The following CDX1 variants were observed in gnomAD, a reference collection of about 807,000 sequenced individuals.
CDX1 encodes homeobox protein CDX-1.
Under a neutral mutation model 16.9 loss-of-function variants are expected in CDX1, and 9 were observed. The ratio of observed to expected loss-of-function variants is 0.53; its 90% CI spans 0.32 to 0.93. The LOEUF is 0.93. Ranked by LOEUF, CDX1 falls within the 40% of genes least tolerant of loss-of-function variation. The pLI is 0.04. For missense variants in CDX1, 393 were observed against 386.1 expected (o/e 1.02, Z -0.15); for synonymous variants, 179 against 179.0 (o/e 1.00, Z 0.00).
rs777049283 is a variant in CDX1, at chr5:150,183,570, G to A, written c.688G>A (p.Asp230Asn). 9.3e-6 allele frequency: 15 copies of A among 1,611,748 alleles called. No individual in the cohort carries two copies. Among genetic ancestry groups the A allele is most frequent in the East Asian group, 4.5e-5 (2 of 44,848 alleles). The part of the protein sequence containing the change: ...QQPPQPPMAH[D>N]ITATPAGPSL... The stretch of plus-strand genomic sequence containing the variant: ...GCCCCCACAGCCGCCGATGGCCCAC[G>A]ACATCACGGCCACCCCAGCCGGGCC... Residue 230 changes from aspartate (D) to asparagine (N), a missense_variant, in exon 3 of 3, where the codon GAC becomes AAC. Coordinates refer to ENST00000231656, the MANE Select transcript of CDX1 (RefSeq NM_001804.3).
chr5:150,174,754 T>C (rs956247309), intron 1 of CDX1, among the ~76,000 whole-genome samples: 4 of 151,318 alleles, frequency 2.6e-5, no homozygotes, highest in Admixed American at 6.6e-5. Context: ...TCCTTGTTCT[T>C]GCATTGAGGA....
intron 1 of CDX1, among the ~76,000 whole-genome samples, chr5:150,178,377 C>T (rs1466656391): frequency 6.6e-6 from 1 of 152,248 alleles, no homozygotes; most frequent in Admixed American, 6.5e-5. Context: ...ACACTGGCAT[C>T]TGGCCCAGAG....
intron 1 of CDX1, among the ~76,000 whole-genome samples, chr5:150,167,701 G>A (rs1761450499): frequency 6.6e-6 from 1 of 152,232 alleles, no homozygotes; most frequent in Non-Finnish European, 1.5e-5. Flanking sequence ...CCAGCCCTAG[G>A]CAAAGGCGGC....
intron 1 of CDX1, among the ~76,000 whole-genome samples, chr5:150,168,290 C>T (rs190929094): frequency 2.2e-4 from 34 of 152,366 alleles, no homozygotes; most frequent in Middle Eastern, 3.4e-3. Flanking sequence ...TGGGACTTCT[C>T]CCACCTCCTC....
rs1437644069 is a variant in CDX1 at position 150,166,826 on chromosome 5, C to G, written c.-51C>G. 7.7e-7 allele frequency: 1 copy of G among 1,300,782 alleles called. No homozygotes were observed. The highest frequency in any genetic ancestry group is 1.0e-6 in the Non-Finnish European group (1 of 998,238). 80.6% of individuals were successfully genotyped at this position (1,300,782 alleles called of 1,614,324 possible). On this transcript the variant is annotated 5_prime_UTR_variant, in exon 1 of 3. Transcript: ENST00000231656. Reference sequence around the variant, plus strand: ...AGCGGTTGCTCGTCGTCGGGGCGGCCGGCAGCGGCGGCTCCAGGGCCCAGC... The same window carrying G: ...AGCGGTTGCTCGTCGTCGGGGCGGCGGGCAGCGGCGGCTCCAGGGCCCAGC...
chr5:150,184,407 G>A lies in CDX1; in HGVS notation c.*727G>A, dbSNP rs796714985. On this transcript the variant is annotated 3_prime_UTR_variant, in exon 3 of 3. Transcript: ENST00000231656. ...AGGGAGCCCCCAGAGGACTTTATTC[G>A]GACCAAGCAGAGCTCACAGCTGGAC... The A allele has an allele frequency of 3.5e-4, 53 of 152,308 alleles. No individual in the cohort carries two copies. Among genetic ancestry groups the A allele is most frequent in the African/African-American group, 1.2e-3 (51 of 41,550 alleles). 9.4% of individuals were successfully genotyped at this position (152,308 alleles called of 1,614,324 possible). A position where few individuals can be genotyped will look rare whatever the true frequency, so the allele number is the denominator to read the frequency against.
At chr5:150,180,772 C>T in intron 1 of CDX1, among the ~76,000 whole-genome samples, 1 of 152,056 alleles carries the variant, frequency 6.6e-6, no homozygotes, top group Non-Finnish European at 1.5e-5. Context: ...TTAGCCAGGC[C>T]CCACACAAGC....
intron 1 of CDX1, among the ~76,000 whole-genome samples, chr5:150,173,994 G>T (rs1022870283): frequency 2.6e-5 from 4 of 152,216 alleles, no homozygotes; most frequent in Non-Finnish European, 5.9e-5. Flanking sequence ...ATTCACCAAG[G>T]ATTCATCAAG....
At chr5:150,178,243 A>G (rs941314237) in intron 1 of CDX1, among the ~76,000 whole-genome samples, 3 of 152,206 alleles carry the variant, frequency 2.0e-5, no homozygotes, top group Non-Finnish European at 1.5e-5. Flanking sequence ...TGGATGGGAC[A>G]TTCTGCGCAT....
chr5:150,180,129 T>G (rs1562058949), intron 1 of CDX1, among the ~76,000 whole-genome samples: 1 of 152,250 alleles, frequency 6.6e-6, no homozygotes, highest in Non-Finnish European at 1.5e-5. Context: ...GCTTCCAGCT[T>G]TAGCCCAGTG....
chr5:150,183,030 A>T (rs1341012404), intron 2 of CDX1, 117 bp downstream of exon 2: 1 of 1,220,900 alleles, frequency 8.2e-7, no homozygotes, highest in East Asian at 2.5e-5. Flanking sequence ...TCTCCAGGCC[A>T]TTGTCACACA....
intron 1 of CDX1, among the ~76,000 whole-genome samples, chr5:150,179,854 T>C (rs538708381): frequency 3.9e-5 from 6 of 152,320 alleles, no homozygotes; most frequent in African/African-American, 1.4e-4. Flanking sequence ...TACCAACACT[T>C]TGGGGGCTCC....
chr5:150,171,714 A>G (rs1266725875), intron 1 of CDX1, among the ~76,000 whole-genome samples: 1 of 152,192 alleles, frequency 6.6e-6, no homozygotes, highest in East Asian at 1.9e-4. Context: ...GGCCTCAACC[A>G]TCTATTGAAG....
chr5:150,174,336 G>A (rs1323990500), intron 1 of CDX1, among the ~76,000 whole-genome samples: 1 of 152,268 alleles, frequency 6.6e-6, no homozygotes, highest in Non-Finnish European at 1.5e-5. Flanking sequence ...GAGAAGACCT[G>A]AAGGGATGCA....
intron 1 of CDX1, among the ~76,000 whole-genome samples, 182 bp downstream of exon 1, chr5:150,167,503 G>A (rs1323530390): frequency 6.6e-6 from 1 of 152,230 alleles, no homozygotes; most frequent in African/African-American, 2.4e-5. Flanking sequence ...GGCTATCGGA[G>A]CCTTCAGCAG....
intron 1 of CDX1, among the ~76,000 whole-genome samples, chr5:150,178,758 A>G (rs1323885068): frequency 1.3e-5 from 2 of 152,174 alleles, no homozygotes; most frequent in African/African-American, 4.8e-5. Flanking sequence ...CTTCTTGTAT[A>G]TTCTTTCAGA....
intron 1 of CDX1, among the ~76,000 whole-genome samples, chr5:150,176,101 C>A (rs574011334): frequency 6.6e-6 from 1 of 152,332 alleles, no homozygotes; most frequent in Admixed American, 6.5e-5. Flanking sequence ...AACACCCAGC[C>A]TTTCCCAAAC....
chr5:150,180,635 C>CG (rs1761629152), intron 1 of CDX1, among the ~76,000 whole-genome samples: 1 of 151,706 alleles, frequency 6.6e-6, no homozygotes, highest in Non-Finnish European at 1.5e-5. Context: ...TTGCGAGAGG[C>CG]GGGAGGGGTT....
At chr5:150,182,671 A>G (rs1752474709) in intron 1 of CDX1, 97 bp from the exon 2 acceptor site, 1 of 1,222,064 alleles carries the variant, frequency 8.2e-7, no homozygotes, top group African/African-American at 1.6e-5. Context: ...TACTTCAGGG[A>G]GCCTGGATTG....
Sources: gnomAD v4.1 joint callset for allele counts (sites outside exome capture counted in the v4.1 genomes callset) on GRCh38, gnomAD v4.1.1 for gene constraint, MANE v1.5 for transcripts, NCBI Gene and HGNC (gene_info 2026-07-23, HGNC 2026-07-21) for gene names.